Variants in TRMT2B observed in about 807,000 individuals in gnomAD.
TRMT2B encodes tRNA (uracil-5-)-methyltransferase homolog B.
TRMT2B carries 34 observed loss-of-function variants against 39.7 expected under a neutral mutation model. The ratio of observed to expected loss-of-function variants is 0.86; its 90% CI spans 0.65 to 1.14. TRMT2B has a LOEUF of 1.14. Ranked by LOEUF, TRMT2B falls within the 50% of genes most tolerant of loss-of-function variation. TRMT2B has a pLI of 0.00. For synonymous variants in TRMT2B, 132 were observed against 137.3 expected, an observed-to-expected ratio of 0.96 and a Z score of 0.27; for missense variants, 318 against 377.2, an observed-to-expected ratio of 0.84 and a Z score of 1.30.
the TRMT2B span, among the ~76,000 whole-genome samples, chrX:100,984,910 G>A: frequency 8.9e-6 from 1 of 112,047 alleles, no homozygotes; most frequent in Non-Finnish European, 1.9e-5. Context: ...GAATGTAATG[G>A]TGAATAAATT....
chrX:100,976,202 G>T, the TRMT2B span, among the ~76,000 whole-genome samples: 1 of 109,587 alleles, frequency 9.1e-6, no homozygotes, highest in African/African-American at 3.3e-5. Flanking sequence ...ATTCCCTTTA[G>T]TCTCGGTGGG....
chrX:101,049,766 G>A (rs2088940879), intron 2 of TRMT2B, among the ~76,000 whole-genome samples: 1 of 84,680 alleles, frequency 1.2e-5, no homozygotes, highest in Non-Finnish European at 2.3e-5. Flanking sequence ...CTCCAGCCTG[G>A]GCAAGAGACT....
At chrX:101,035,545 T>C in intron 7 of TRMT2B, 68 bp downstream of exon 7, 1 of 976,392 alleles carries the variant, frequency 1.0e-6, no homozygotes, top group South Asian at 1.9e-5. Flanking sequence ...TATCAAAATG[T>C]CAGGGATGTT....
At chrX:100,987,981 G>A in the TRMT2B span, among the ~76,000 whole-genome samples, 1 of 111,711 alleles carries the variant, frequency 9.0e-6, no homozygotes, top group Non-Finnish European at 1.9e-5. Flanking sequence ...AGGAATGATG[G>A]GAGAGGACAG....
At chrX:101,020,173 A>G (rs1030062930) in intron 11 of TRMT2B, among the ~76,000 whole-genome samples, 7 of 111,853 alleles carry the variant, frequency 6.3e-5, no homozygotes, top group African/African-American at 1.9e-4. Context: ...GTATTATGCT[A>G]TAAGGCCTCG....
At chrX:101,029,138 T>G (rs2087293945) in intron 7 of TRMT2B, among the ~76,000 whole-genome samples, 1 of 111,617 alleles carries the variant, frequency 9.0e-6, no homozygotes, top group Non-Finnish European at 1.9e-5. Flanking sequence ...GGGTCTACTG[T>G]CAATTCCTCC....
chrX:101,026,893 G>A (rs1348211779), intron 7 of TRMT2B, among the ~76,000 whole-genome samples: 1 of 111,309 alleles, frequency 9.0e-6, no homozygotes, highest in Non-Finnish European at 1.9e-5. Flanking sequence ...CTATCAGATT[G>A]CTTTTACTCT....
chrX:101,042,820 T>G (rs1357040774), intron 2 of TRMT2B, among the ~76,000 whole-genome samples: 1 of 111,506 alleles, frequency 9.0e-6, no homozygotes, highest in Non-Finnish European at 1.9e-5. Context: ...CTTTGTTTTT[T>G]AAGACAGTCT....
chrX:101,048,250 T>G (rs1173252117), intron 2 of TRMT2B, among the ~76,000 whole-genome samples: 1 of 111,005 alleles, frequency 9.0e-6, no homozygotes, highest in Admixed American at 9.7e-5. Flanking sequence ...CCATTTTGTA[T>G]GATTACAAAG....
chrX:101,021,305 G>A lies in TRMT2B; in HGVS notation c.862C>T (p.Arg288Cys), dbSNP rs376349358. The A allele has an allele frequency of 4.1e-6, 5 of 1,206,684 alleles. No homozygotes were observed. Among genetic ancestry groups the A allele is most frequent in the Admixed American group, 2.2e-5 (1 of 45,675 alleles). ...SLYFQESTMT[R>C]CSHQQSPYQL... ...TAGGGAGACTGCTGATGGCTGCAAC[G>A]GGTCATGGTACTGGAAAGGAATAAA... is the stretch of plus-strand genomic sequence containing the variant. Residue 288 changes from arginine (R) to cysteine (C), a missense_variant, in exon 10 of 14, where the codon CGT becomes TGT. Arg to Cys is a radical substitution (Grantham distance 180, BLOSUM62 -3). Coordinates refer to ENST00000372936, the MANE Select transcript of TRMT2B (RefSeq NM_024917.6).
At chrX:100,973,623 A>G in the TRMT2B span, 1 of 1,110,724 alleles carries the variant, frequency 9.0e-7, no homozygotes, top group Non-Finnish European at 1.2e-6. Context: ...CTAAAGGCTC[A>G]GTGTTTATAA....
the TRMT2B span, chrX:100,988,496 G>A: frequency 4.3e-6 from 5 of 1,175,504 alleles, no homozygotes; most frequent in African/African-American, 5.3e-5. Context: ...ACGAAGCTTT[G>A]CTACAATTGA....
the TRMT2B span, chrX:100,990,402 A>G: frequency 8.5e-6 from 8 of 941,127 alleles, no homozygotes; most frequent in African/African-American, 2.0e-5. Context: ...GAAACAGTTG[A>G]TATCCCTCCC....
chrX:100,979,420 T>A, the TRMT2B span, among the ~76,000 whole-genome samples: 1 of 112,138 alleles, frequency 8.9e-6, no homozygotes, highest in South Asian at 3.7e-4. Flanking sequence ...GATAAAAGTT[T>A]TTTTCCTTGA....
At chrX:101,014,581 C>T (rs111790080) in intron 13 of TRMT2B, among the ~76,000 whole-genome samples, 9,241 of 109,500 alleles carry the variant, frequency 0.084, 358 homozygotes, top group Admixed American at 0.12. Context: ...ATTGCCCAGG[C>T]TGGAGTGAAG....
chrX:100,974,370 C>G, the TRMT2B span, among the ~76,000 whole-genome samples: 2 of 108,582 alleles, frequency 1.8e-5, no homozygotes, highest in Non-Finnish European at 3.8e-5. Context: ...CTCTCTGTCT[C>G]TCTCTCTCTC....
intron 7 of TRMT2B, among the ~76,000 whole-genome samples, chrX:101,028,799 G>A (rs1189430770): frequency 9.0e-6 from 1 of 111,039 alleles, no homozygotes; most frequent in South Asian, 3.8e-4. Context: ...ATTGAGTTAT[G>A]GGGGTGGACC....
At chrX:101,040,175 T>C (rs2088135935) in intron 4 of TRMT2B, among the ~76,000 whole-genome samples, 1 of 108,668 alleles carries the variant, frequency 9.2e-6, no homozygotes, top group Non-Finnish European at 1.9e-5. Context: ...GTACCTGTAG[T>C]CCCAGCTACT....
chrX:101,020,706 G>GTT, intron 10 of TRMT2B, 118 bp from the exon 11 acceptor site: 4 of 590,871 alleles, frequency 6.8e-6, no homozygotes, highest in Non-Finnish European at 1.1e-5. Flanking sequence ...GTCTCACTCT[G>GTT]TAGCCTAGGC....
Sources: gnomAD v4.1 joint callset for allele counts (sites outside exome capture counted in the v4.1 genomes callset) on GRCh38, gnomAD v4.1.1 for gene constraint, MANE v1.5 for transcripts, NCBI Gene and HGNC (gene_info 2026-07-23, HGNC 2026-07-21) for gene names.